The following MAST4 variants were observed in gnomAD, a reference collection of about 807,000 sequenced individuals.
The protein encoded by MAST4 is microtubule-associated serine/threonine-protein kinase 4.
In MAST4, 89 loss-of-function variants were observed where a neutral mutation model predicts 162.7. The observed-to-expected ratio is 0.55, with a 90% CI of 0.46 to 0.65. The LOEUF (loss-of-function observed/expected upper bound fraction) is 0.65, where lower values mean the gene tolerates loss of function less well. MAST4 is among the 30% of genes least tolerant of loss of function. MAST4 has a pLI of 0.00. For synonymous variants in MAST4, 1,479 were observed against 1,361.1 expected (o/e 1.09, Z -1.91); for missense variants, 3,153 against 3,374.0 (o/e 0.93, Z 1.62).
At chr5:66,683,966 G>C (rs948004677) in intron 1 of MAST4, among the ~76,000 whole-genome samples, 17 of 152,200 alleles carry the variant, frequency 1.1e-4, no homozygotes, top group African/African-American at 4.1e-4. Context: ...GTGAAAGTAG[G>C]TATGATGCCT....
At chr5:66,665,203 C>G (rs1271969434) in intron 1 of MAST4, among the ~76,000 whole-genome samples, 1 of 151,752 alleles carries the variant, frequency 6.6e-6, no homozygotes, top group Non-Finnish European at 1.5e-5. Flanking sequence ...GACATGGGGA[C>G]AAGCAAGTCT....
At chr5:66,962,664 C>T (rs1260298757) in intron 4 of MAST4, among the ~76,000 whole-genome samples, 1 of 152,154 alleles carries the variant, frequency 6.6e-6, no homozygotes, top group Non-Finnish European at 1.5e-5. Flanking sequence ...AGCCACTACA[C>T]TCCAGCCTGG....
At chr5:66,817,339 A>C (rs966279080) in intron 3 of MAST4, among the ~76,000 whole-genome samples, 1 of 152,196 alleles carries the variant, frequency 6.6e-6, no homozygotes, top group Admixed American at 6.5e-5. Flanking sequence ...TTTACTTGAA[A>C]AACCATTGAC....
chr5:66,860,035 A>G (rs1759982513), intron 3 of MAST4, among the ~76,000 whole-genome samples: 1 of 152,222 alleles, frequency 6.6e-6, no homozygotes, highest in African/African-American at 2.4e-5. Context: ...AAATGATTTG[A>G]TATATTTTAT....
At position 66,622,420 on chromosome 5, in the gene MAST4, C is replaced by CTTTT. The variant is rs35612725; in HGVS notation, c.363+25414_363+25417dup. On this transcript the variant is annotated intron_variant, in intron 1 of 28. Coordinates refer to ENST00000403625, the MANE Select transcript of MAST4 (RefSeq NM_001164664.2). ...TGTGACCTTGTATGTCCTTGTAAGG[C>CTTTT]TTTTTTTTTTTTTTTCTAACTTGGA... is the stretch of plus-strand genomic sequence containing the variant. 1.6e-3 allele frequency among the ~76,000 whole-genome samples: 231 copies of CTTTT among 141,770 alleles called. 2 individuals are homozygous for CTTTT. The highest frequency in any genetic ancestry group is 2.5e-3 in the Non-Finnish European group (165 of 66,060). 93.0% of individuals were successfully genotyped at this position (141,770 alleles called of 152,430 possible).
chr5:67,034,447 C>G (rs1256388743), intron 4 of MAST4, among the ~76,000 whole-genome samples: 6 of 152,156 alleles, frequency 3.9e-5, no homozygotes, highest in African/African-American at 1.4e-4. Flanking sequence ...TTCATTCTCT[C>G]TGGTGCTAGA....
chr5:67,081,910 G>A (rs1192135451), intron 5 of MAST4, among the ~76,000 whole-genome samples: 1 of 152,040 alleles, frequency 6.6e-6, no homozygotes, highest in African/African-American at 2.4e-5. Context: ...AATCACAAAG[G>A]GAAAAATAAT....
At chr5:66,671,637 T>C (rs1211613194) in intron 1 of MAST4, among the ~76,000 whole-genome samples, 4 of 152,218 alleles carry the variant, frequency 2.6e-5, no homozygotes, top group Non-Finnish European at 4.4e-5. Context: ...TGTGGGAATA[T>C]GGTTTTGGAG....
chr5:67,158,692 T>C (rs1392976215), intron 26 of MAST4, among the ~76,000 whole-genome samples: 1 of 152,136 alleles, frequency 6.6e-6, no homozygotes, highest in Admixed American at 6.5e-5. Context: ...GAAATACAAA[T>C]AACCAAACTA....
chr5:66,887,365 A>G (rs1029008581), intron 3 of MAST4, among the ~76,000 whole-genome samples: 1 of 152,184 alleles, frequency 6.6e-6, no homozygotes, highest in Admixed American at 6.5e-5. Context: ...TCTGGTGTGT[A>G]TTTGGATACA....
chr5:66,793,669 A>G (rs1346411347), intron 3 of MAST4, among the ~76,000 whole-genome samples: 1 of 152,204 alleles, frequency 6.6e-6, no homozygotes, highest in Admixed American at 6.5e-5. Context: ...CAGAAGCACC[A>G]TGAACATTAG....
chr5:66,732,651 A>G (rs1213139742), intron 1 of MAST4, among the ~76,000 whole-genome samples: 1 of 152,232 alleles, frequency 6.6e-6, no homozygotes, highest in Non-Finnish European at 1.5e-5. Flanking sequence ...TGTTCTTTGA[A>G]TGAAAAACTG....
chr5:66,932,163 A>G (rs1220707623), intron 4 of MAST4, among the ~76,000 whole-genome samples: 1 of 152,218 alleles, frequency 6.6e-6, no homozygotes, highest in African/African-American at 2.4e-5. Flanking sequence ...GAGTAGGTAA[A>G]AAGTCTTCAT....
chr5:66,694,860 C>G (rs1424999081), intron 1 of MAST4, among the ~76,000 whole-genome samples: 1 of 152,072 alleles, frequency 6.6e-6, no homozygotes, highest in Non-Finnish European at 1.5e-5. Flanking sequence ...GTCCTTTGCC[C>G]ATGTTTAATG....
In MAST4 at chr5:66,700,780, ATT is replaced by A. The variant is rs776068800; in HGVS notation, c.364-58928_364-58927del. 1.1e-4 allele frequency among the ~76,000 whole-genome samples: 13 copies of A among 113,710 alleles called. No individual in the cohort carries two copies. In the South Asian group the frequency reaches 3.3e-3, roughly 29 times the overall value. 74.6% of individuals were successfully genotyped at this position (113,710 alleles called of 152,430 possible). ...ATGAGGCTGTGAGATTAAAAAAAAA[ATT>A]ATATATATATATATATATACACACA... On this transcript the variant is annotated intron_variant, in intron 1 of 28. Coordinates refer to ENST00000403625, the MANE Select transcript of MAST4 (RefSeq NM_001164664.2).
intron 5 of MAST4, among the ~76,000 whole-genome samples, chr5:67,074,184 A>G (rs1387473151): frequency 6.6e-6 from 1 of 152,178 alleles, no homozygotes; most frequent in Non-Finnish European, 1.5e-5. Flanking sequence ...AATAGAAATG[A>G]CAGATAAACA....
intron 2 of MAST4, among the ~76,000 whole-genome samples, chr5:66,764,103 T>C (rs1753974501): frequency 6.6e-6 from 1 of 152,156 alleles, no homozygotes. Context: ...ACTGCAAACA[T>C]CTCAATGGTA....
At chr5:66,756,892 A>G (rs1753573094) in intron 1 of MAST4, among the ~76,000 whole-genome samples, 1 of 152,156 alleles carries the variant, frequency 6.6e-6, no homozygotes, top group South Asian at 2.1e-4. Flanking sequence ...GGCAGCCCTC[A>G]CAGTTCACTG....
chr5:66,825,109 C>G (rs1037333021), intron 3 of MAST4, among the ~76,000 whole-genome samples: 1 of 152,116 alleles, frequency 6.6e-6, no homozygotes, highest in Non-Finnish European at 1.5e-5. Flanking sequence ...ACTTTATAGA[C>G]TTTTTAATTT....
Sources: allele counts gnomAD v4.1 joint callset (sites outside exome capture counted in the v4.1 genomes callset), GRCh38; gene constraint gnomAD v4.1.1; transcripts MANE v1.5; gene names NCBI Gene and HGNC (gene_info 2026-07-23, HGNC 2026-07-21).